Variants in CDC7 observed in about 807,000 individuals in gnomAD.
CDC7 encodes cell division cycle 7.
In CDC7, 34 loss-of-function variants were observed where a neutral mutation model predicts 53.5. That is an observed-to-expected ratio of 0.64 (90% confidence interval 0.48 to 0.85). The LOEUF (loss-of-function observed/expected upper bound fraction) is 0.85. Ranked by LOEUF, CDC7 falls within the 40% of genes least tolerant of loss-of-function variation. The pLI, the probability that CDC7 is intolerant of heterozygous loss-of-function variation, is 0.00. For synonymous variants in CDC7, 211 were observed against 222.8 expected, an observed-to-expected ratio of 0.95 and a Z score of 0.47; for missense variants, 594 against 679.7, an observed-to-expected ratio of 0.87 and a Z score of 1.40.
rs541052393 is a variant in CDC7, at chr1:91,515,795, C to T, written c.1099C>T (p.Arg367Cys). 2.7e-5 allele frequency: 43 copies of T among 1,613,406 alleles called. No homozygotes were observed. Among genetic ancestry groups the T allele is most frequent in the Non-Finnish European group, 3.1e-5 (37 of 1,179,654 alleles). ...DKVCSICLSR[R>C]QQVAPRAGTP... ...AGAGAAATCTTATTTCATCATAAGGCGTCAGCAGGTTGCCCCTAGGGCAGG... is the reference window on the plus strand; with the variant it reads ...AGAGAAATCTTATTTCATCATAAGGTGTCAGCAGGTTGCCCCTAGGGCAGG... The change falls in exon 10 of 12, where the codon CGT becomes TGT. Residue 367 changes from arginine to cysteine, a missense_variant and splice_region_variant. By Grantham distance (180) the Arg-to-Cys change is radical. Coordinates refer to ENST00000234626, the MANE Select transcript of CDC7 (RefSeq NM_003503.4).
At chr1:91,515,053 A>G in intron 9 of CDC7, 56 bp downstream of exon 9, 1 of 1,504,052 alleles carries the variant, frequency 6.6e-7, no homozygotes, top group African/African-American at 1.4e-5. Flanking sequence ...TAGAAATTGC[A>G]TTGACTTGGG....
chr1:91,502,146 CT>C (rs1341346240), intron 2 of CDC7, among the ~76,000 whole-genome samples: 1 of 152,186 alleles, frequency 6.6e-6, no homozygotes, highest in African/African-American at 2.4e-5. Flanking sequence ...ACCACATTGC[CT>C]TAAGCTTAAA....
chr1:91,521,203 AGAAATACAT>A (rs1413604699), intron 11 of CDC7, among the ~76,000 whole-genome samples: 1 of 152,238 alleles, frequency 6.6e-6, no homozygotes, highest in Non-Finnish European at 1.5e-5. Context: ...AGAATCTTTA[AGAAATACAT>A]ATGCCTGCCC....
At chr1:91,504,091 A>C (rs1571311629) in intron 2 of CDC7, among the ~76,000 whole-genome samples, 1 of 145,946 alleles carries the variant, frequency 6.9e-6, no homozygotes. Context: ...TTATTCTTTC[A>C]CTGTTTTGGC....
At chr1:91,520,049 T>A in intron 10 of CDC7, 81 bp from the exon 11 acceptor site, 2 of 1,135,444 alleles carry the variant, frequency 1.8e-6, no homozygotes, top group Non-Finnish European at 2.4e-6. Context: ...TTCTAATGCA[T>A]AATAAATGTT....
intron 11 of CDC7, 93 bp downstream of exon 11, chr1:91,520,372 TAAAC>T (rs1667871194): frequency 5.6e-6 from 6 of 1,078,688 alleles, no homozygotes; most frequent in Non-Finnish European, 7.7e-6. Flanking sequence ...TCTTTACAAA[TAAAC>T]ATTCAGTCTT....
At chr1:91,521,830 C>T (rs931305261) in intron 11 of CDC7, among the ~76,000 whole-genome samples, 1 of 151,742 alleles carries the variant, frequency 6.6e-6, no homozygotes, top group African/African-American at 2.4e-5. Flanking sequence ...TGATAGCAAG[C>T]AAGAGCTTTT....
At chr1:91,515,369 C>G (rs972993012) in intron 9 of CDC7, among the ~76,000 whole-genome samples, 2 of 152,156 alleles carry the variant, frequency 1.3e-5, no homozygotes, top group Non-Finnish European at 2.9e-5. Context: ...CCACCTCCAA[C>G]TCTTTGACTC....
intron 10 of CDC7, among the ~76,000 whole-genome samples, chr1:91,518,054 A>G (rs943298748): frequency 3.8e-5 from 5 of 130,520 alleles, no homozygotes; most frequent in Admixed American, 2.9e-4. Flanking sequence ...AGATCGCACC[A>G]TTGCACTCCA....
At chr1:91,505,148 A>G (rs951309621) in intron 2 of CDC7, among the ~76,000 whole-genome samples, 2 of 152,152 alleles carry the variant, frequency 1.3e-5, no homozygotes, top group African/African-American at 4.8e-5. Flanking sequence ...GGGGAAGAGC[A>G]TTCCAAACAG....
At position 91,513,275 on chromosome 1, in the gene CDC7, C is replaced by T. The variant is rs769450758; in HGVS notation, c.790C>T (p.Gln264Ter). The T allele has an allele frequency of 1.2e-5, 19 of 1,613,130 alleles. No homozygotes were observed. Among genetic ancestry groups the T allele is most frequent in the Non-Finnish European group, 1.6e-5 (19 of 1,179,398 alleles). ...TGTTAAAAGACCCTACACAAATGCACAAATTCAGATTAAACAAGGAAAAGA... is the reference window on the plus strand; with the variant it reads ...TGTTAAAAGACCCTACACAAATGCATAAATTCAGATTAAACAAGGAAAAGA... ...ASVKRPYTNA[Q>*]IQIKQGKDGK... Residue 264 changes from glutamine (Q) to a stop codon, truncating the protein, a stop_gained, in exon 7 of 12, where the codon CAA (glutamine) becomes TAA (stop). Transcript: ENST00000234626. LOFTEE classifies it high-confidence loss of function.
chr1:91,511,860 A>G lies in CDC7; in HGVS notation c.509A>G (p.Gln170Arg). The change falls in exon 6 of 12, where the codon CAG becomes CGG. Residue 170 changes from glutamine (Q) to arginine (R), a missense_variant. Coordinates refer to ENST00000234626, the MANE Select transcript of CDC7 (RefSeq NM_003503.4). ...NLFKALKRIH[Q>R]FGIVHRDVKP... is the part of the protein sequence containing the mutation. The stretch of plus-strand genomic sequence containing the variant: ...TTCAAAGCTTTGAAACGCATTCATC[A>G]GTTTGGTATTGTTCACCGTGATGTT... 1 of 1,604,658 alleles carries G rather than the reference A, an allele frequency of 6.2e-7. No homozygotes were observed. Among genetic ancestry groups the G allele is most frequent in the Non-Finnish European group, 8.5e-7 (1 of 1,172,866 alleles).
rs370301018 is a variant in CDC7 at position 91,513,302 on chromosome 1, G to A, written c.817G>A (p.Gly273Arg). 273 of 1,611,974 alleles carry A rather than the reference G, an allele frequency of 1.7e-4. No homozygotes were observed. The highest frequency in any genetic ancestry group is 3.3e-4 in the Middle Eastern group (2 of 6,074). The change falls in exon 7 of 12, where the codon GGA becomes AGA. Residue 273 changes from glycine (G) to arginine (R), a missense_variant. By Grantham distance (125) the Gly-to-Arg change is moderately radical. Transcript: ENST00000234626. Reference protein sequence around the residue: ...AQIQIKQGKDGKEGSVGLSVQ... With the variant: ...AQIQIKQGKDRKEGSVGLSVQ... ...AATTCAGATTAAACAAGGAAAAGACGGAAAGGTTCTATCTCTTTTATTTCT... is the reference window on the plus strand; with the variant it reads ...AATTCAGATTAAACAAGGAAAAGACAGAAAGGTTCTATCTCTTTTATTTCT...
Position 91,501,912 on chromosome 1 carries a change from TAA to T in CDC7, c.115+82_115+83del. The T allele has an allele frequency of 5.1e-6, 5 of 981,702 alleles. No homozygotes were observed. In the South Asian group the frequency reaches 6.7e-5, roughly 13 times the overall value. The allele number at this position is 981,702 out of a possible 1,614,324, so 60.8% of individuals were successfully genotyped here. On this transcript the variant is annotated intron_variant, in intron 2 of 11. Transcript: ENST00000234626. ...TGTGTTTTCAATTCCTCTCAAAAAA[TAA>T]GATTGAATCTTATAAAGTGAATTGT...
In CDC7 at chr1:91,524,854, A is replaced by C. The variant is rs772225631; in HGVS notation, c.*419A>C. The stretch of plus-strand genomic sequence containing the variant: ...GCTAGGTATAGTTTGGGGAAACTCA[A>C]CCTGGTGCTGGTGCTCTTAACAATT... On this transcript the variant is annotated 3_prime_UTR_variant, in exon 12 of 12. Transcript: ENST00000234626. 6.5e-6 allele frequency: 1 copy of C among 154,968 alleles called. No individual in the cohort carries two copies. Among genetic ancestry groups the C allele is most frequent in the South Asian group, 2.0e-4 (1 of 4,882 alleles). The allele number at this position is 154,968 out of a possible 1,614,324, so 9.6% of individuals were successfully genotyped here.
chr1:91,518,907 A>G (rs1199312944), intron 10 of CDC7, among the ~76,000 whole-genome samples: 1 of 151,936 alleles, frequency 6.6e-6, no homozygotes, highest in African/African-American at 2.4e-5. Context: ...CAAAAATACA[A>G]AAAAGTAGCT....
intron 10 of CDC7, 124 bp from the exon 11 acceptor site, chr1:91,520,006 G>A: frequency 1.5e-6 from 1 of 653,764 alleles, no homozygotes; most frequent in East Asian, 3.2e-5. Flanking sequence ...CTTTGGGTCT[G>A]GGCATCTGAA....
At chr1:91,520,046 G>A (rs1667843864) in intron 10 of CDC7, 84 bp from the exon 11 acceptor site, 1 of 1,097,928 alleles carries the variant, frequency 9.1e-7, no homozygotes, top group South Asian at 2.0e-5. Flanking sequence ...TGATTCTAAT[G>A]CATAATAAAT....
intron 9 of CDC7, among the ~76,000 whole-genome samples, chr1:91,515,342 G>C (rs1453457996): frequency 6.6e-6 from 1 of 152,008 alleles, no homozygotes; most frequent in African/African-American, 2.4e-5. Flanking sequence ...CCAAATAGTA[G>C]AGCTCCTCTT....
Sources: allele counts gnomAD v4.1 joint callset (sites outside exome capture counted in the v4.1 genomes callset), GRCh38; gene constraint gnomAD v4.1.1; transcripts MANE v1.5; gene names NCBI Gene and HGNC (gene_info 2026-07-23, HGNC 2026-07-21).